The following PTAR1 variants were observed in gnomAD, a reference collection of about 807,000 sequenced individuals.
PTAR1 encodes the protein protein prenyltransferase alpha subunit repeat-containing protein 1.
PTAR1 carries 17 observed loss-of-function variants against 45.5 expected under a neutral mutation model. The observed-to-expected ratio is 0.37, with a 90% CI of 0.26 to 0.56. The LOEUF (loss-of-function observed/expected upper bound fraction) is 0.56, where lower values mean the gene tolerates loss of function less well. Ranked by LOEUF, PTAR1 falls within the 20% of genes least tolerant of loss-of-function variation. The pLI, the probability that PTAR1 is intolerant of heterozygous loss-of-function variation, is 0.77. For synonymous variants in PTAR1, 169 were observed against 171.3 expected (o/e 0.99, Z 0.11); for missense variants, 391 against 476.3 (o/e 0.82, Z 1.67).
chr9:69,733,815 A>G lies in PTAR1; in HGVS notation c.428+335T>C, dbSNP rs561366713. 9.8e-5 allele frequency among the ~76,000 whole-genome samples: 15 copies of G among 152,338 alleles called. No individual in the cohort carries two copies. In the South Asian group the frequency reaches 2.9e-3, roughly 29 times the overall value. ...TGCCCACAACTGCTTCAAAGAGTTA[A>G]TAATAGCTAACATTTATTGAGTATT... On this transcript the variant is annotated intron_variant, in intron 4 of 7. Coordinates refer to ENST00000340434, the MANE Select transcript of PTAR1 (RefSeq NM_001099666.2).
intron 3 of PTAR1, among the ~76,000 whole-genome samples, chr9:69,738,831 C>T (rs1314801454): frequency 3.7e-5 from 5 of 134,064 alleles, no homozygotes; most frequent in African/African-American, 1.1e-4. Context: ...TTTTTTGAGA[C>T]GGAGTCTTGC....
At chr9:69,744,249 T>C (rs1826170952) in intron 2 of PTAR1, among the ~76,000 whole-genome samples, 2 of 152,134 alleles carry the variant, frequency 1.3e-5, no homozygotes, top group South Asian at 4.1e-4. Flanking sequence ...CCTACCTTCT[T>C]TTCTCGGAAC....
Position 69,718,639 on chromosome 9 carries a change from A to C in PTAR1, c.982+11T>G. ...CAGGTGACAACTGGGTCATGCTGTG[A>C]GGAAACCTACCATTTAAGTGATGCT... On this transcript the variant is annotated intron_variant, in intron 7 of 7. Transcript: ENST00000340434. 1 of 1,607,636 alleles carries C rather than the reference A, an allele frequency of 6.2e-7. No homozygotes were observed. Among genetic ancestry groups the C allele is most frequent in the Non-Finnish European group, 8.5e-7 (1 of 1,176,552 alleles).
intron 4 of PTAR1, among the ~76,000 whole-genome samples, chr9:69,732,725 T>C (rs1825598378): frequency 6.6e-6 from 1 of 152,134 alleles, no homozygotes; most frequent in Non-Finnish European, 1.5e-5. Flanking sequence ...CTGATAAATA[T>C]TATAAGGAGT....
chr9:69,728,781 G>A (rs1825398973), intron 5 of PTAR1, among the ~76,000 whole-genome samples: 1 of 152,048 alleles, frequency 6.6e-6, no homozygotes, highest in East Asian at 1.9e-4. Flanking sequence ...AGACATCAGA[G>A]AGAACATAAA....
chr9:69,737,310 A>G (rs1350403215), intron 3 of PTAR1, among the ~76,000 whole-genome samples: 1 of 152,102 alleles, frequency 6.6e-6, no homozygotes, highest in Non-Finnish European at 1.5e-5. Context: ...CAAACTTCTG[A>G]GCTCAAGCAA....
rs1403785309 is a variant in PTAR1 at position 69,716,260 on chromosome 9, T to C, written c.*2082A>G. On this transcript the variant is annotated 3_prime_UTR_variant, in exon 8 of 8. Transcript: ENST00000340434. ...CTCTGTGTAGTTTGCCCCCAAACAC[T>C]CACAGGAGCTAAAAATCATAAACTT... The C allele has an allele frequency of 6.6e-6, 1 of 151,996 alleles. No homozygotes were observed. The allele number at this position is 151,996 out of a possible 1,614,324, so 9.4% of individuals were successfully genotyped here. A position where few individuals can be genotyped will look rare whatever the true frequency, so the allele number is the denominator to read the frequency against.
chr9:69,723,289 C>T, intron 6 of PTAR1, 37 bp downstream of exon 6: 1 of 1,554,646 alleles, frequency 6.4e-7, no homozygotes, highest in Non-Finnish European at 8.8e-7. Context: ...TGAAGACATG[C>T]AGTTTTGTGT....
chr9:69,722,939 C>CA (rs35037746), intron 6 of PTAR1, among the ~76,000 whole-genome samples: 22,303 of 99,636 alleles, frequency 0.22, 2,806 homozygotes, highest in African/African-American at 0.36. Flanking sequence ...AACTCTATCT[C>CA]AAAAAAAAAA....
intron 4 of PTAR1, 43 bp downstream of exon 4, chr9:69,734,107 T>C: frequency 9.2e-7 from 1 of 1,081,416 alleles, no homozygotes; most frequent in South Asian, 1.3e-5. Flanking sequence ...CTCCAGCCAG[T>C]CTGAATCCTA....
At chr9:69,734,369 T>A (rs953600471) in intron 3 of PTAR1, 115 bp from the exon 4 acceptor site, 2 of 482,126 alleles carry the variant, frequency 4.1e-6, no homozygotes, top group South Asian at 5.2e-5. Context: ...CTAAGAATTT[T>A]AAAACAAAAA....
Position 69,712,910 on chromosome 9 carries a change from T to A in PTAR1, c.*5432A>T, listed in dbSNP as rs1269186220. The A allele has an allele frequency of 6.6e-6, 1 of 152,138 alleles. No individual in the cohort carries two copies. The highest frequency in any genetic ancestry group is 1.5e-5 in the Non-Finnish European group (1 of 68,016). The allele number at this position is 152,138 out of a possible 1,614,324, so 9.4% of individuals were successfully genotyped here. ...AACAATGAGGCAGTCACAGAATATCTACTAGCTACTGTACTGGTAATAGTT... is the reference window on the plus strand; with the variant it reads ...AACAATGAGGCAGTCACAGAATATCAACTAGCTACTGTACTGGTAATAGTT... On this transcript the variant is annotated 3_prime_UTR_variant, in exon 8 of 8. Coordinates refer to ENST00000340434, the MANE Select transcript of PTAR1 (RefSeq NM_001099666.2).
chr9:69,715,080 T>C lies in PTAR1; in HGVS notation c.*3262A>G, dbSNP rs1824676008. 6.6e-6 allele frequency: 1 copy of C among 152,118 alleles called. No homozygotes were observed. Among genetic ancestry groups the C allele is most frequent in the South Asian group, 2.1e-4 (1 of 4,832 alleles). The allele number at this position is 152,118 out of a possible 1,614,324, so 9.4% of individuals were successfully genotyped here. The stretch of plus-strand genomic sequence containing the variant: ...ACAAATGAACAGAAAGTGGTGTTCT[T>C]AATGCAAGTGGGTTCTTTAGCTCTA... On this transcript the variant is annotated 3_prime_UTR_variant, in exon 8 of 8. Transcript: ENST00000340434.
chr9:69,722,319 T>C (rs117510773), intron 6 of PTAR1, among the ~76,000 whole-genome samples: 2,094 of 152,312 alleles, frequency 0.014, 28 homozygotes, highest in Non-Finnish European at 0.019. Context: ...AAGATGAAGA[T>C]GCCTCCAAAT....
chr9:69,723,626 A>G lies in PTAR1; in HGVS notation c.647T>C (p.Leu216Pro). ...QHLAKLDVKI[L>P]LDELSSTKHW... ...TTTAGTAGAAGATAGTTCATCAAGAAGAATCTTTTAAGAAGAAAAAAGGGA... is the reference window on the plus strand; with the variant it reads ...TTTAGTAGAAGATAGTTCATCAAGAGGAATCTTTTAAGAAGAAAAAAGGGA... Residue 216 changes from leucine (L) to proline (P), a missense_variant, in exon 6 of 8, where the codon CTT becomes CCT. This residue lies in a region of PTAR1 where 181 missense variants were observed against 227.7 expected (regional missense o/e 0.80). Transcript: ENST00000340434. The G allele has an allele frequency of 6.3e-7, 1 of 1,598,464 alleles. No individual in the cohort carries two copies. The highest frequency in any genetic ancestry group is 8.5e-7 in the Non-Finnish European group (1 of 1,171,136).
intron 5 of PTAR1, among the ~76,000 whole-genome samples, chr9:69,725,714 CTT>C (rs1564129743): frequency 6.6e-6 from 1 of 151,802 alleles, no homozygotes. Flanking sequence ...ATATTAGAAA[CTT>C]TAACTGGAAT....
chr9:69,742,683 T>C (rs1301981784), intron 2 of PTAR1, among the ~76,000 whole-genome samples: 2 of 152,140 alleles, frequency 1.3e-5, no homozygotes, highest in Non-Finnish European at 2.9e-5. Flanking sequence ...TATCTATTTA[T>C]ACTGGCAAAA....
chr9:69,722,955 AAAAG>A (rs1825091662), intron 6 of PTAR1, among the ~76,000 whole-genome samples: 1 of 151,612 alleles, frequency 6.6e-6, no homozygotes, highest in African/African-American at 2.4e-5. Context: ...AAAAAAAAAA[AAAAG>A]AGAGATGGCA....
rs998656937 is a variant in PTAR1, at chr9:69,716,114, T to C, written c.*2228A>G. On this transcript the variant is annotated 3_prime_UTR_variant, in exon 8 of 8. Transcript: ENST00000340434. ...ACTCATTTCCTGACATTTTTTCACA[T>C]CAAAGCATAAGCCCTATTACTCAAA... is the stretch of plus-strand genomic sequence containing the variant. 1.3e-5 allele frequency: 2 copies of C among 152,078 alleles called. No homozygotes were observed. Among genetic ancestry groups the C allele is most frequent in the African/African-American group, 4.8e-5 (2 of 41,438 alleles). The allele number at this position is 152,078 out of a possible 1,614,324, so 9.4% of individuals were successfully genotyped here. A position where few individuals can be genotyped will look rare whatever the true frequency, so the allele number is the denominator to read the frequency against.
Sources: allele counts gnomAD v4.1 joint callset (sites outside exome capture counted in the v4.1 genomes callset), GRCh38; gene constraint gnomAD v4.1.1; regional missense constraint gnomAD v4.1.1; transcripts MANE v1.5; gene names NCBI Gene and HGNC (gene_info 2026-07-23, HGNC 2026-07-21).